Variants in LAMA4 observed in about 807,000 individuals in gnomAD.
The protein encoded by LAMA4 is laminin subunit alpha 4.
Under a neutral mutation model 207.1 loss-of-function variants are expected in LAMA4, and 127 were observed. That is an observed-to-expected ratio of 0.61 (90% CI 0.53 to 0.71). LAMA4 has a LOEUF of 0.71. Among genes scored for constraint, LAMA4 ranks in the 30% least tolerant of loss-of-function variants. LAMA4 has a pLI of 0.00. For synonymous variants in LAMA4, 761 were observed against 816.0 expected, an observed-to-expected ratio of 0.93 and a Z score of 1.15; for missense variants, 2,093 against 2,246.5, an observed-to-expected ratio of 0.93 and a Z score of 1.38.
intron 3 of LAMA4, among the ~76,000 whole-genome samples, chr6:112,213,340 C>T (rs1784451453): frequency 6.6e-6 from 1 of 152,230 alleles, no homozygotes; most frequent in African/African-American, 2.4e-5. Context: ...CTGCCACCAG[C>T]CACCTATCTG....
At chr6:112,239,107 G>A (rs1554367159) in intron 2 of LAMA4, among the ~76,000 whole-genome samples, 2 of 151,950 alleles carry the variant, frequency 1.3e-5, no homozygotes, top group African/African-American at 4.8e-5. Flanking sequence ...GATCACTTGA[G>A]GTCAGAAGTA....
chr6:112,219,614 T>C (rs1554359869), intron 2 of LAMA4: 1 of 152,198 alleles, frequency 6.6e-6, no homozygotes, highest in Non-Finnish European at 1.5e-5. Flanking sequence ...GCCAGCAATG[T>C]CATACAACTC....
rs1554332653 is a variant in LAMA4 at position 112,139,893 on chromosome 6, A to G, written c.2977-8T>C. ...GTTTAAGCTGGTAGGGAGCTATGCA[A>G]TAGAAAAAGTAAAACCACTTGTCTC... On this transcript the variant is annotated splice_polypyrimidine_tract_variant and splice_region_variant and intron_variant, in intron 22 of 38. Transcript: ENST00000230538. The G allele has an allele frequency of 1.2e-6, 2 of 1,613,988 alleles. No individual in the cohort carries two copies. Among genetic ancestry groups the G allele is most frequent in the Admixed American group, 3.3e-5 (2 of 60,028 alleles).
intron 29 of LAMA4, chr6:112,130,308 G>GTGTA (rs1562640392): frequency 2.2e-6 from 1 of 450,760 alleles, no homozygotes; most frequent in African/African-American, 2.3e-5. Flanking sequence ...TTTTGTGTGT[G>GTGTA]TGTGTGTGTG....
chr6:112,183,428 C>A (rs17073485), intron 9 of LAMA4, among the ~76,000 whole-genome samples: 1 of 151,972 alleles, frequency 6.6e-6, no homozygotes, highest in Non-Finnish European at 1.5e-5. Context: ...GTAGCTTTAT[C>A]ATCAACCTCC....
intron 12 of LAMA4, among the ~76,000 whole-genome samples, chr6:112,165,555 G>A (rs1583772746): frequency 6.6e-6 from 1 of 152,200 alleles, no homozygotes; most frequent in African/African-American, 2.4e-5. Flanking sequence ...CTTAGAGAGG[G>A]CATTTGTCTC....
At chr6:112,234,743 C>G (rs781971901) in intron 2 of LAMA4, 1 of 152,108 alleles carries the variant, frequency 6.6e-6, no homozygotes, top group Admixed American at 6.6e-5. Flanking sequence ...TAACAGAATG[C>G]TTATTTCCAC....
intron 2 of LAMA4, among the ~76,000 whole-genome samples, chr6:112,241,172 A>AATATATATATTCATATATATGAAT (rs61692382): frequency 3.4e-5 from 3 of 89,404 alleles, no homozygotes; most frequent in Admixed American, 1.0e-4. Context: ...AATATATATG[A>AATATATATATTCATATATATGAAT]ATATATATGA....
chr6:112,216,281 G>A (rs1784620117), intron 3 of LAMA4, 87 bp downstream of exon 3: 1 of 915,246 alleles, frequency 1.1e-6, no homozygotes, highest in African/African-American at 1.6e-5. Flanking sequence ...CTCCTATGTG[G>A]CTCAAACATC....
chr6:112,239,607 G>A (rs1269573217), intron 2 of LAMA4, among the ~76,000 whole-genome samples: 4 of 152,248 alleles, frequency 2.6e-5, no homozygotes, highest in Admixed American at 1.3e-4. Flanking sequence ...TCAGAAGGCC[G>A]GAAGACTACC....
chr6:112,120,283 A>C lies in LAMA4; in HGVS notation c.4665T>G (p.Asp1555Glu). ...QEKYNDGLWH[D>E]VIFIRERSSG... Reference sequence around the variant, plus strand: ...ATGCTGTTCTCTGCCTTCAACTTACATCATGCCACAGGCCATCATTGTATT... The same window carrying C: ...ATGCTGTTCTCTGCCTTCAACTTACCTCATGCCACAGGCCATCATTGTATT... Residue 1555 changes from aspartate to glutamate, a missense_variant and splice_region_variant, in exon 33 of 39, where the codon GAT becomes GAG. By Grantham distance (45) the Asp-to-Glu change is conservative. Coordinates refer to ENST00000230538, the MANE Select transcript of LAMA4 (RefSeq NM_001105206.3). 1 of 1,613,046 alleles carries C rather than the reference A, an allele frequency of 6.2e-7. No individual in the cohort carries two copies. The highest frequency in any genetic ancestry group is 8.5e-7 in the Non-Finnish European group (1 of 1,179,536).
At chr6:112,143,176 T>C (rs10872075) in intron 19 of LAMA4, among the ~76,000 whole-genome samples, 43,611 of 152,120 alleles carry the variant, frequency 0.29, 6,524 homozygotes, top group African/African-American at 0.38. Flanking sequence ...TTTATATTAA[T>C]TTATTAATAT....
chr6:112,207,265 T>A, intron 3 of LAMA4, 120 bp from the exon 4 acceptor site: 1 of 1,076,858 alleles, frequency 9.3e-7, no homozygotes, highest in Non-Finnish European at 1.4e-6. Context: ...CAGCACAGAC[T>A]GTATGCGGCA....
At chr6:112,252,292 T>C (rs77161619) in intron 2 of LAMA4, among the ~76,000 whole-genome samples, 3,685 of 152,316 alleles carry the variant, frequency 0.024, 152 homozygotes, top group African/African-American at 0.083. Flanking sequence ...ACTGAAAACC[T>C]GCAATCTGAA....
chr6:112,175,308 C>T lies in LAMA4; in HGVS notation c.1357+5G>A, dbSNP rs1162661488. On this transcript the variant is annotated splice_donor_5th_base_variant and intron_variant, in intron 11 of 38. Coordinates refer to ENST00000230538, the MANE Select transcript of LAMA4 (RefSeq NM_001105206.3). Reference sequence around the variant, plus strand: ...CTGGGTCAGCTATGAGAGGAATACACCTACGTTCGTAAGCCTCATCTGCCT... The same window carrying T: ...CTGGGTCAGCTATGAGAGGAATACATCTACGTTCGTAAGCCTCATCTGCCT... 9 of 1,613,624 alleles carry T rather than the reference C, an allele frequency of 5.6e-6. No homozygotes were observed. The highest frequency in any genetic ancestry group is 7.6e-6 in the Non-Finnish European group (9 of 1,179,842).
chr6:112,165,150 G>C lies in LAMA4; in HGVS notation c.1668+10C>G. 1 of 1,485,868 alleles carries C rather than the reference G, an allele frequency of 6.7e-7. No homozygotes were observed. The highest frequency in any genetic ancestry group is 9.4e-7 in the Non-Finnish European group (1 of 1,062,930). 92.0% of individuals were successfully genotyped at this position (1,485,868 alleles called of 1,614,324 possible). ...AAATACAAACCTGAACAAGTCACGT[G>C]CGTCCTTACCTTTATTATATCATCA... is the stretch of plus-strand genomic sequence containing the variant. On this transcript the variant is annotated intron_variant, in intron 13 of 38. Transcript: ENST00000230538.
intron 31 of LAMA4, among the ~76,000 whole-genome samples, chr6:112,122,532 T>C (rs1263082014): frequency 6.6e-6 from 1 of 152,220 alleles, no homozygotes; most frequent in Admixed American, 6.5e-5. Context: ...AGTGGCAAAG[T>C]TGGCAATTAA....
intron 19 of LAMA4, 28 bp downstream of exon 19, chr6:112,144,766 C>G (rs1204644302): frequency 3.7e-6 from 6 of 1,611,218 alleles, no homozygotes; most frequent in Admixed American, 3.3e-5. Context: ...TTACCGCTGA[C>G]TGACTGATGA....
At chr6:112,229,889 G>A (rs1333525195) in intron 2 of LAMA4, among the ~76,000 whole-genome samples, 3 of 152,274 alleles carry the variant, frequency 2.0e-5, no homozygotes, top group African/African-American at 7.2e-5. Flanking sequence ...ATGTCAACTA[G>A]TCAATTTTGA....
Sources: gnomAD v4.1 joint callset for allele counts (sites outside exome capture counted in the v4.1 genomes callset) on GRCh38, gnomAD v4.1.1 for gene constraint, MANE v1.5 for transcripts, NCBI Gene and HGNC (gene_info 2026-07-23, HGNC 2026-07-21) for gene names.